Variants in SLC4A10 observed in about 807,000 individuals in gnomAD.
SLC4A10 encodes solute carrier family 4 member 10, also known as sodium-driven chloride bicarbonate exchanger.
A neutral mutation model predicts 137.7 loss-of-function variants in SLC4A10; 42 were observed. That is an observed-to-expected ratio of 0.30 (90% CI 0.24 to 0.39). The LOEUF (loss-of-function observed/expected upper bound fraction) is 0.39. Among genes scored for constraint, SLC4A10 ranks in the 10% least tolerant of loss-of-function variants. The pLI, the probability that SLC4A10 is intolerant of heterozygous loss-of-function variation, is 1.00. For synonymous variants in SLC4A10, 474 were observed against 464.1 expected (o/e 1.02, Z -0.27); for missense variants, 925 against 1,355.0 (o/e 0.68, Z 4.98).
rs1158479247 is a variant in SLC4A10, at chr2:161,772,745, G to GA, written c.130+1698dup. 1.1e-4 allele frequency among the ~76,000 whole-genome samples: 16 copies of GA among 151,774 alleles called. No individual in the cohort carries two copies. The South Asian group carries it at 2.9e-3, about 27-fold the overall frequency. On this transcript the variant is annotated intron_variant, in intron 2 of 26. Coordinates refer to ENST00000446997, the MANE Select transcript of SLC4A10 (RefSeq NM_001178015.2). The stretch of plus-strand genomic sequence containing the variant: ...ATTTTACAATTTTGAAGGAAAACAG[G>GA]AAAAAAATCTGGTTTATATTGACGT...
chr2:161,688,842 G>A (rs1374136689), intron 1 of SLC4A10, among the ~76,000 whole-genome samples: 2 of 152,038 alleles, frequency 1.3e-5, no homozygotes, highest in Non-Finnish European at 2.9e-5. Flanking sequence ...GGTCATTGAA[G>A]GACTGCATAT....
At chr2:161,626,296 T>A (rs1471381398) in intron 1 of SLC4A10, among the ~76,000 whole-genome samples, 1 of 152,036 alleles carries the variant, frequency 6.6e-6, no homozygotes, top group Non-Finnish European at 1.5e-5. Context: ...TAGGACCAAA[T>A]GAGGATTAAC....
intron 3 of SLC4A10, among the ~76,000 whole-genome samples, chr2:161,824,263 T>TCGTCAATAATGTGGAAGAGAA (rs1300661715): frequency 6.6e-6 from 1 of 152,150 alleles, no homozygotes; most frequent in Non-Finnish European, 1.5e-5. Context: ...ATGGAAAGCA[T>TCGTCAATAATGTGGAAGAGAA]CGTCAATAAT....
chr2:161,660,222 A>G (rs1291962146), intron 1 of SLC4A10, among the ~76,000 whole-genome samples: 1 of 152,170 alleles, frequency 6.6e-6, no homozygotes, highest in African/African-American at 2.4e-5. Flanking sequence ...ACATTCTAGC[A>G]TTTTCTTTGA....
At chr2:161,894,379 A>T (rs2063229008) in intron 10 of SLC4A10, among the ~76,000 whole-genome samples, 1 of 152,062 alleles carries the variant, frequency 6.6e-6, no homozygotes, top group African/African-American at 2.4e-5. Context: ...TTTCCCATAC[A>T]TAAATAACTT....
rs552030210 is a variant in SLC4A10, at chr2:161,719,511, C to T, written c.49-51462C>T. On this transcript the variant is annotated intron_variant, in intron 1 of 26. Transcript: ENST00000446997. ...CACAATGGTTGAACTAGTTTACAGT[C>T]CCACCAACAGTGTAAAAGTGTTCCT... 1.2e-4 allele frequency among the ~76,000 whole-genome samples: 19 copies of T among 152,224 alleles called. 1 individual carries two copies. The East Asian group carries it at 3.5e-3, about 28-fold the overall frequency.
intron 1 of SLC4A10, among the ~76,000 whole-genome samples, chr2:161,686,551 C>T (rs1015066787): frequency 6.6e-6 from 1 of 152,084 alleles, no homozygotes; most frequent in African/African-American, 2.4e-5. Context: ...ATAAATTTTA[C>T]TTCCAGTAAT....
intron 10 of SLC4A10, among the ~76,000 whole-genome samples, chr2:161,893,541 T>G (rs1575499978): frequency 6.6e-6 from 1 of 151,762 alleles, no homozygotes; most frequent in Non-Finnish European, 1.5e-5. Context: ...ACAAGAAATT[T>G]TTTAAAAATT....
At chr2:161,694,507 T>C (rs2042303293) in intron 1 of SLC4A10, among the ~76,000 whole-genome samples, 2 of 151,832 alleles carry the variant, frequency 1.3e-5, no homozygotes, top group African/African-American at 4.8e-5. Context: ...TTTCTGTTTC[T>C]ATATATACTG....
intron 11 of SLC4A10, among the ~76,000 whole-genome samples, chr2:161,898,569 C>T (rs1430796412): frequency 6.6e-6 from 1 of 152,070 alleles, no homozygotes; most frequent in Admixed American, 6.6e-5. Context: ...TTGAAATGTG[C>T]AAATCCCAGC....
chr2:161,964,152 G>A lies in SLC4A10; in HGVS notation c.2880G>A (p.Lys960=). 1 of 1,609,540 alleles carries A rather than the reference G, an allele frequency of 6.2e-7. No individual in the cohort carries two copies. Among genetic ancestry groups the A allele is most frequent in the South Asian group, 1.1e-5 (1 of 90,268 alleles). ...TCTTTTAGTTCTTTGATAGGATAAA[G>A]CTCTTCTGGATGCCGGCAAAACATC... ...LKGIQFFDRI[K]LFWMPAKHQP... The change falls in exon 22 of 27, where the codon AAG becomes AAA. Residue 960 remains lysine (K), a synonymous_variant. Coordinates refer to ENST00000446997, the MANE Select transcript of SLC4A10 (RefSeq NM_001178015.2).
At chr2:161,975,088 G>C (rs1699179217) in intron 24 of SLC4A10, among the ~76,000 whole-genome samples, 2 of 152,040 alleles carry the variant, frequency 1.3e-5, no homozygotes, top group Non-Finnish European at 2.9e-5. Context: ...ACCAAAATAG[G>C]AGAGAATTTT....
At chr2:161,763,810 A>G (rs186339328) in intron 1 of SLC4A10, among the ~76,000 whole-genome samples, 1 of 152,260 alleles carries the variant, frequency 6.6e-6, no homozygotes, top group Admixed American at 6.5e-5. Flanking sequence ...TGCTAAGCAG[A>G]TTTATAAGGG....
intron 1 of SLC4A10, among the ~76,000 whole-genome samples, chr2:161,652,769 C>T (rs1267434815): frequency 1.6e-4 from 22 of 139,774 alleles, no homozygotes; most frequent in African/African-American, 5.7e-4. Flanking sequence ...TACCCTGGCC[C>T]TTGAAAACCA....
At chr2:161,838,785 G>A (rs2058984556) in intron 3 of SLC4A10, among the ~76,000 whole-genome samples, 1 of 152,140 alleles carries the variant, frequency 6.6e-6, no homozygotes, top group Non-Finnish European at 1.5e-5. Flanking sequence ...CCACTACATA[G>A]AATGGCTACA....
chr2:161,720,166 G>A lies in SLC4A10; in HGVS notation c.49-50807G>A, dbSNP rs535410717. On this transcript the variant is annotated intron_variant, in intron 1 of 26. Transcript: ENST00000446997. ...TTAAATAGGGAATCCTTTCCCCATT[G>A]CTTGTTTTTCTCAAGTTTGTCAAAG... Among the ~76,000 whole-genome samples the A allele has an allele frequency of 7.9e-5, 12 of 152,270 alleles. No homozygotes were observed. In the East Asian group the frequency reaches 1.2e-3, roughly 15 times the overall value.
At chr2:161,931,118 AG>A (rs1690304738) in intron 15 of SLC4A10, 1 of 152,114 alleles carries the variant, frequency 6.6e-6, no homozygotes, top group South Asian at 2.1e-4. Context: ...TTCAGCAGAA[AG>A]GGGGTTTCAC....
intron 1 of SLC4A10, among the ~76,000 whole-genome samples, chr2:161,760,434 C>T (rs2050140449): frequency 6.6e-6 from 1 of 151,948 alleles, no homozygotes; most frequent in Non-Finnish European, 1.5e-5. Context: ...ATTTTCAATC[C>T]TGTCCCAGGG....
chr2:161,740,862 A>G (rs779771778), intron 1 of SLC4A10, among the ~76,000 whole-genome samples: 1 of 152,182 alleles, frequency 6.6e-6, no homozygotes, highest in Non-Finnish European at 1.5e-5. Context: ...CAATATCTAT[A>G]TATGTTTAAG....
Sources: allele counts gnomAD v4.1 joint callset (sites outside exome capture counted in the v4.1 genomes callset), GRCh38; gene constraint gnomAD v4.1.1; transcripts MANE v1.5; gene names NCBI Gene and HGNC (gene_info 2026-07-23, HGNC 2026-07-21).